HTR7: variants seen among roughly 807,000 people sequenced by gnomAD.
HTR7 encodes the protein 5-HT-7.
A neutral mutation model predicts 34.0 loss-of-function variants in HTR7; 16 were observed. The ratio of observed to expected loss-of-function variants is 0.47; its 90% confidence interval spans 0.32 to 0.71. The LOEUF is 0.71. HTR7 is among the 30% of genes least tolerant of loss of function. HTR7 has a pLI of 0.04. For missense variants in HTR7, 504 were observed against 625.5 expected, an observed-to-expected ratio of 0.81 and a Z score of 2.07; for synonymous variants, 265 against 260.2, an observed-to-expected ratio of 1.02 and a Z score of -0.18.
rs11186330 is a variant in HTR7, at chr10:90,843,745, G to A, written c.539+13388C>T. The stretch of plus-strand genomic sequence containing the variant: ...GAAAGGGGGAAAGAAGGAAAGGAGG[G>A]AAAGAATTAAATGGGACCAAATCAA... On this transcript the variant is annotated intron_variant, in intron 1 of 3. Transcript: ENST00000336152. Among the ~76,000 whole-genome samples, 412 of 150,570 alleles carry A rather than the reference G, an allele frequency of 2.7e-3. 1 individual carries two copies. The highest frequency in any genetic ancestry group is 4.9e-3 in the Non-Finnish European group (329 of 67,640).
At chr10:90,750,115 C>T (rs999525081) in intron 1 of HTR7, among the ~76,000 whole-genome samples, 4 of 152,096 alleles carry the variant, frequency 2.6e-5, no homozygotes, top group African/African-American at 7.2e-5. Flanking sequence ...CACACAGATT[C>T]GTGAGATAAT....
intron 1 of HTR7, among the ~76,000 whole-genome samples, chr10:90,789,441 G>C (rs549828692): frequency 1.4e-4 from 22 of 152,170 alleles, no homozygotes; most frequent in African/African-American, 5.3e-4. Flanking sequence ...GTGTCAGGAG[G>C]GATATGCCAC....
chr10:90,833,104 A>G (rs534081567), intron 1 of HTR7, among the ~76,000 whole-genome samples: 1 of 152,348 alleles, frequency 6.6e-6, no homozygotes, highest in Admixed American at 6.5e-5. Flanking sequence ...GGTAGTTGTG[A>G]GGATAGCTCG....
rs544765196 is a variant in HTR7 at position 90,825,381 on chromosome 10, G to A, written c.539+31752C>T. On this transcript the variant is annotated intron_variant, in intron 1 of 3. Transcript: ENST00000336152. ...ATACCTGAAAAACCTTCCTAAGAAG[G>A]ATGGGTACAAACAAGCCCAGCCTGA... Among the ~76,000 whole-genome samples the A allele has an allele frequency of 2.0e-5, 3 of 152,316 alleles. No individual in the cohort carries two copies. In the South Asian group the frequency reaches 6.2e-4, roughly 32 times the overall value.
intron 1 of HTR7, among the ~76,000 whole-genome samples, chr10:90,753,373 A>G (rs1564669962): frequency 6.6e-6 from 1 of 150,442 alleles, no homozygotes; most frequent in African/African-American, 2.4e-5. Context: ...CTCTATTTTA[A>G]AGAGAGAGAG....
At chr10:90,803,916 TC>T (rs1200769178) in intron 1 of HTR7, among the ~76,000 whole-genome samples, 8 of 151,812 alleles carry the variant, frequency 5.3e-5, no homozygotes, top group African/African-American at 1.9e-4. Flanking sequence ...GAACTTCACA[TC>T]CCTGTTTCTC....
At chr10:90,820,940 T>C (rs1845969460) in intron 1 of HTR7, among the ~76,000 whole-genome samples, 2 of 152,190 alleles carry the variant, frequency 1.3e-5, no homozygotes, top group South Asian at 4.1e-4. Flanking sequence ...GAGGAAGGTA[T>C]TATCAACCCA....
intron 1 of HTR7, among the ~76,000 whole-genome samples, chr10:90,847,677 T>C (rs572682965): frequency 6.6e-6 from 1 of 152,288 alleles, no homozygotes; most frequent in South Asian, 2.1e-4. Flanking sequence ...CAGAGCTAAA[T>C]ATTACAGCTC....
chr10:90,814,359 A>G (rs1407531434), intron 1 of HTR7, among the ~76,000 whole-genome samples: 1 of 152,204 alleles, frequency 6.6e-6, no homozygotes, highest in Non-Finnish European at 1.5e-5. Context: ...TAGGGGCTAA[A>G]GGGGCTCCTT....
chr10:90,839,968 A>G (rs1327755343), intron 1 of HTR7, among the ~76,000 whole-genome samples: 1 of 151,918 alleles, frequency 6.6e-6, no homozygotes, highest in East Asian at 1.9e-4. Context: ...CCTCAACTAG[A>G]TAACATGTTA....
Position 90,741,863 on chromosome 10 carries a change from A to G in HTR7, c.*619T>C. ...AGACCTGTTCCTGAGTTATACCATA[A>G]TAAGTGAGTTAACACAGAAAAGTAC... is the stretch of plus-strand genomic sequence containing the variant. On this transcript the variant is annotated 3_prime_UTR_variant, in exon 4 of 4. Transcript: ENST00000336152. 1 of 152,646 alleles carries G rather than the reference A, an allele frequency of 6.6e-6. No homozygotes were observed. The highest frequency in any genetic ancestry group is 1.5e-5 in the Non-Finnish European group (1 of 68,058). The allele number at this position is 152,646 out of a possible 1,614,324, so 9.5% of individuals were successfully genotyped here.
At chr10:90,767,627 T>G (rs1287962944) in intron 1 of HTR7, among the ~76,000 whole-genome samples, 1 of 152,174 alleles carries the variant, frequency 6.6e-6, no homozygotes, top group Non-Finnish European at 1.5e-5. Flanking sequence ...GTACAGCAAG[T>G]GATGCCATGT....
chr10:90,770,026 C>G (rs1845082544), intron 1 of HTR7, among the ~76,000 whole-genome samples: 1 of 152,240 alleles, frequency 6.6e-6, no homozygotes, highest in Non-Finnish European at 1.5e-5. Context: ...CCCCGCATCC[C>G]CAAGGCAGCT....
chr10:90,847,190 A>T (rs892033230), intron 1 of HTR7, among the ~76,000 whole-genome samples: 1 of 152,156 alleles, frequency 6.6e-6, no homozygotes, highest in East Asian at 1.9e-4. Context: ...TTCCTCCTAC[A>T]TCAAGTGGGG....
chr10:90,742,511 C>G lies in HTR7; in HGVS notation c.1411G>C (p.Val471Leu). ...TCATGAATCATGACCTTTTTTTCTA[C>G]AGTAGTCAGCATTTTGTCTAAAAAA... ...NWLADKMLTT[V>L]EKKVMIHD Residue 471 changes from valine to leucine, a missense_variant, in exon 4 of 4, where the codon GTA becomes CTA. This residue lies in a region of HTR7 where 154 missense variants were observed against 212.1 expected (regional missense o/e 0.73). Transcript: ENST00000336152. The G allele has an allele frequency of 6.3e-7, 1 of 1,594,412 alleles. No individual in the cohort carries two copies. The highest frequency in any genetic ancestry group is 1.3e-5 in the African/African-American group (1 of 74,552).
intron 1 of HTR7, among the ~76,000 whole-genome samples, chr10:90,847,968 C>G (rs1312109616): frequency 6.6e-6 from 1 of 151,324 alleles, no homozygotes; most frequent in African/African-American, 2.4e-5. Context: ...TGTGTAATTA[C>G]CACTCCAGTC....
At chr10:90,845,433 C>A (rs1207745256) in intron 1 of HTR7, among the ~76,000 whole-genome samples, 6 of 152,158 alleles carry the variant, frequency 3.9e-5, no homozygotes, top group African/African-American at 1.4e-4. Context: ...CAGTCACATA[C>A]AATGTATGTG....
At chr10:90,790,542 C>A (rs1845446568) in intron 1 of HTR7, among the ~76,000 whole-genome samples, 1 of 152,124 alleles carries the variant, frequency 6.6e-6, no homozygotes, top group African/African-American at 2.4e-5. Flanking sequence ...CAAACGGTGA[C>A]AAATTAAACT....
chr10:90,830,924 T>G (rs543109762), intron 1 of HTR7, among the ~76,000 whole-genome samples: 65 of 152,348 alleles, frequency 4.3e-4, no homozygotes, highest in Admixed American at 2.9e-3. Flanking sequence ...TAGGGTTATG[T>G]TGGAGGATCT....
Sources: gnomAD v4.1 joint callset for allele counts (sites outside exome capture counted in the v4.1 genomes callset) on GRCh38, gnomAD v4.1.1 for gene constraint, gnomAD v4.1.1 regional missense constraint, MANE v1.5 for transcripts, NCBI Gene and HGNC (gene_info 2026-07-23, HGNC 2026-07-21) for gene names.